The following CSMD3 variants were observed in gnomAD, a reference collection of about 807,000 sequenced individuals.
CSMD3 encodes the protein CUB and sushi domain-containing protein 3.
CSMD3 carries 177 observed loss-of-function variants against 435.2 expected under a neutral mutation model. The ratio of observed to expected loss-of-function variants is 0.41; its 90% CI spans 0.36 to 0.46. CSMD3 has a LOEUF of 0.46. Ranked by LOEUF, CSMD3 falls within the 20% of genes least tolerant of loss-of-function variation. The pLI, the probability that CSMD3 is intolerant of heterozygous loss-of-function variation, is 0.34. For synonymous variants in CSMD3, 1,656 were observed against 1,520.5 expected (o/e 1.09, Z -2.07); for missense variants, 4,265 against 4,504.6 (o/e 0.95, Z 1.52).
intron 24 of CSMD3, among the ~76,000 whole-genome samples, chr8:112,558,316 G>A (rs1429739669): frequency 6.6e-6 from 1 of 151,794 alleles, no homozygotes; most frequent in African/African-American, 2.4e-5. Flanking sequence ...CATTCCATAG[G>A]GGTCCTGCCC....
chr8:113,124,194 A>C (rs2131646406), intron 4 of CSMD3, among the ~76,000 whole-genome samples: 1 of 152,150 alleles, frequency 6.6e-6, no homozygotes, highest in East Asian at 1.9e-4. Flanking sequence ...TAGAAACAGT[A>C]AAGCAAGAGT....
At chr8:113,167,368 T>C (rs1263032363) in intron 4 of CSMD3, among the ~76,000 whole-genome samples, 1 of 152,152 alleles carries the variant, frequency 6.6e-6, no homozygotes, top group Non-Finnish European at 1.5e-5. Flanking sequence ...ACCTTCACCA[T>C]TCTGAAATAA....
chr8:113,336,849 G>A (rs1290377537), intron 1 of CSMD3, among the ~76,000 whole-genome samples: 1 of 152,112 alleles, frequency 6.6e-6, no homozygotes, highest in African/African-American at 2.4e-5. Flanking sequence ...GGCCAGCAGA[G>A]ATGAGTATTC....
At chr8:112,750,614 C>T (rs146229180) in intron 13 of CSMD3, among the ~76,000 whole-genome samples, 2 of 152,104 alleles carry the variant, frequency 1.3e-5, no homozygotes, top group African/African-American at 2.4e-5. Flanking sequence ...TAAACTCTTA[C>T]AGCAGGCAGG....
chr8:113,088,903 T>A (rs1315138865), intron 5 of CSMD3, among the ~76,000 whole-genome samples: 2 of 152,058 alleles, frequency 1.3e-5, no homozygotes, highest in African/African-American at 4.8e-5. Context: ...AAACAATTCC[T>A]CCAGCAAACT....
At chr8:112,629,105 G>A (rs1184159560) in intron 22 of CSMD3, among the ~76,000 whole-genome samples, 1 of 152,178 alleles carries the variant, frequency 6.6e-6, no homozygotes. Context: ...TGTCTTGAAC[G>A]ATGACAGGGT....
chr8:112,582,378 T>C (rs1444144707), intron 23 of CSMD3, among the ~76,000 whole-genome samples: 3 of 151,774 alleles, frequency 2.0e-5, no homozygotes, highest in Admixed American at 6.6e-5. Context: ...TTATATATTA[T>C]ACAGCTTCAG....
intron 13 of CSMD3, among the ~76,000 whole-genome samples, chr8:112,731,562 T>C (rs1163200082): frequency 2.0e-5 from 3 of 152,160 alleles, no homozygotes; most frequent in African/African-American, 7.2e-5. Flanking sequence ...ATTTTCTTAC[T>C]GATTACAATC....
At chr8:112,676,276 A>G (rs1226643961) in intron 16 of CSMD3, among the ~76,000 whole-genome samples, 1 of 152,108 alleles carries the variant, frequency 6.6e-6, no homozygotes, top group Non-Finnish European at 1.5e-5. Context: ...TTAGAGACTG[A>G]TTGAAAAATC....
chr8:112,775,894 T>C (rs544318006), intron 13 of CSMD3, among the ~76,000 whole-genome samples: 14 of 152,044 alleles, frequency 9.2e-5, no homozygotes, highest in East Asian at 3.9e-4. Context: ...CTTTTATCTA[T>C]ATATAGAAAG....
intron 3 of CSMD3, among the ~76,000 whole-genome samples, chr8:113,230,278 A>G (rs1563576998): frequency 6.6e-6 from 1 of 151,738 alleles, no homozygotes; most frequent in Non-Finnish European, 1.5e-5. Context: ...TAAGTTTAAC[A>G]TCTTTGAACT....
At chr8:113,236,859 A>G (rs559106252) in intron 3 of CSMD3, among the ~76,000 whole-genome samples, 1 of 151,984 alleles carries the variant, frequency 6.6e-6, no homozygotes, top group Non-Finnish European at 1.5e-5. Flanking sequence ...TCAACTATCT[A>G]TCTATTTTTC....
intron 2 of CSMD3, among the ~76,000 whole-genome samples, chr8:113,307,272 T>TA (rs1161631146): frequency 6.6e-6 from 1 of 152,114 alleles, no homozygotes; most frequent in Non-Finnish European, 1.5e-5. Flanking sequence ...GGCAGCCAGC[T>TA]AGGACACATA....
At chr8:113,111,059 C>T (rs2090623473) in intron 4 of CSMD3, among the ~76,000 whole-genome samples, 1 of 152,114 alleles carries the variant, frequency 6.6e-6, no homozygotes, top group Non-Finnish European at 1.5e-5. Flanking sequence ...GTCCAACCTC[C>T]TAATATCATC....
intron 32 of CSMD3, among the ~76,000 whole-genome samples, chr8:112,412,623 T>C (rs1406690153): frequency 1.3e-5 from 2 of 152,130 alleles, no homozygotes; most frequent in Non-Finnish European, 2.9e-5. Flanking sequence ...TATACTGTAG[T>C]AAGCTAGAAA....
At chr8:112,721,128 T>C (rs1007716940) in intron 13 of CSMD3, among the ~76,000 whole-genome samples, 1 of 152,064 alleles carries the variant, frequency 6.6e-6, no homozygotes, top group Admixed American at 6.6e-5. Flanking sequence ...TTACCTGTAG[T>C]AGATCTCACA....
At chr8:112,954,028 T>A (rs1360366936) in intron 8 of CSMD3, among the ~76,000 whole-genome samples, 1 of 151,422 alleles carries the variant, frequency 6.6e-6, no homozygotes, top group Non-Finnish European at 1.5e-5. Context: ...ACTAAAAAAA[T>A]TTCGTGTTTG....
intron 4 of CSMD3, among the ~76,000 whole-genome samples, chr8:113,134,924 A>G (rs1026642429): frequency 6.6e-5 from 10 of 152,014 alleles, no homozygotes; most frequent in African/African-American, 2.4e-4. Flanking sequence ...ATGTGAGCAA[A>G]TGAGGATCAA....
Position 113,280,632 on chromosome 8 carries a change from A to C in CSMD3, c.402-1928T>G, listed in dbSNP as rs921549124. Among the ~76,000 whole-genome samples, 22 of 151,100 alleles carry C rather than the reference A, an allele frequency of 1.5e-4. 1 individual carries two copies. Among genetic ancestry groups the C allele is most frequent in the African/African-American group, 4.9e-4 (20 of 41,212 alleles). ...GCTTTTTGTTTCATTTATCTTTTGT[A>C]ATTTTTTTTGTTTCAATTTCATTTG... On this transcript the variant is annotated intron_variant, in intron 2 of 70. Coordinates refer to ENST00000297405, the MANE Select transcript of CSMD3 (RefSeq NM_198123.2).
Sources: gnomAD v4.1 joint callset for allele counts (sites outside exome capture counted in the v4.1 genomes callset) on GRCh38, gnomAD v4.1.1 for gene constraint, MANE v1.5 for transcripts, NCBI Gene and HGNC (gene_info 2026-07-23, HGNC 2026-07-21) for gene names.